The following SRRM4 variants were observed in gnomAD, a reference collection of about 807,000 sequenced individuals.
SRRM4 encodes the protein serine/arginine repetitive matrix protein 4.
A neutral mutation model predicts 68.9 loss-of-function variants in SRRM4; 33 were observed. That is an observed-to-expected ratio of 0.48 (90% confidence interval 0.36 to 0.64). The LOEUF is 0.64. SRRM4 is among the 30% of genes least tolerant of loss of function. The pLI is 0.00. For missense variants in SRRM4, 817 were observed against 827.1 expected (o/e 0.99, Z 0.15); for synonymous variants, 318 against 318.8 (o/e 1.00, Z 0.03).
At chr12:119,067,563 C>G (rs1269769710) in intron 1 of SRRM4, among the ~76,000 whole-genome samples, 1 of 152,074 alleles carries the variant, frequency 6.6e-6, no homozygotes, top group Non-Finnish European at 1.5e-5. Context: ...AAAAAATTAG[C>G]CAGGTACAGT....
chr12:119,095,317 G>A (rs1399727874), intron 1 of SRRM4, among the ~76,000 whole-genome samples: 1 of 152,150 alleles, frequency 6.6e-6, no homozygotes, highest in East Asian at 1.9e-4. Flanking sequence ...GAGAGTCTAG[G>A]CCTACATTCT....
rs1281837523 is a variant in SRRM4, at chr12:119,148,933, A to G, written c.1077-2084A>G. ...CAAAGGAACCATAGACACTGAAGGT[A>G]GGGAGCTGGTGAGGTGGGAGGGGTG... On this transcript the variant is annotated intron_variant, in intron 9 of 12. Transcript: ENST00000267260. Among the ~76,000 whole-genome samples, 7 of 151,932 alleles carry G rather than the reference A, an allele frequency of 4.6e-5. No individual in the cohort carries two copies. The South Asian group carries it at 1.0e-3, about 23-fold the overall frequency.
At chr12:119,084,022 C>T (rs1472880331) in intron 1 of SRRM4, among the ~76,000 whole-genome samples, 2 of 152,174 alleles carry the variant, frequency 1.3e-5, no homozygotes, top group Non-Finnish European at 2.9e-5. Flanking sequence ...AGTGCATCAC[C>T]TCATTGAATC....
chr12:119,141,669 T>C (rs1324184174), intron 8 of SRRM4, among the ~76,000 whole-genome samples: 2 of 152,152 alleles, frequency 1.3e-5, no homozygotes, highest in African/African-American at 4.8e-5. Context: ...ACTTGTTCAT[T>C]AGGCAAAATT....
intron 4 of SRRM4, 103 bp from the exon 5 acceptor site, chr12:119,120,147 C>T: frequency 5.1e-6 from 3 of 586,746 alleles, no homozygotes; most frequent in South Asian, 1.9e-5. Context: ...TTCCTCCTTT[C>T]TCTCCTTCTC....
At position 119,145,620 on chromosome 12, in the gene SRRM4, C is replaced by G; in HGVS notation, c.1011C>G (p.Ser337=). The G allele has an allele frequency of 6.4e-7, 1 of 1,559,554 alleles. No individual in the cohort carries two copies. Among genetic ancestry groups the G allele is most frequent in the Non-Finnish European group, 8.7e-7 (1 of 1,154,516 alleles). ...ATTCAGGGAACTCCTTCACCACCTC[C>G]TCACCCCAGAACAAGGGGGCCATGT... is the stretch of plus-strand genomic sequence containing the variant. ...TSDSGNSFTT[S]SPQNKGAMLE... is the part of the protein sequence containing the mutation. The change falls in exon 9 of 13, where the codon TCC becomes TCG. Residue 337 remains serine (S), a synonymous_variant. Coordinates refer to ENST00000267260, the MANE Select transcript of SRRM4 (RefSeq NM_194286.4).
At chr12:119,058,292 T>G (rs1953789523) in intron 1 of SRRM4, among the ~76,000 whole-genome samples, 1 of 152,182 alleles carries the variant, frequency 6.6e-6, no homozygotes, top group Non-Finnish European at 1.5e-5. Context: ...TAAAAAGGAT[T>G]AACATGTGGT....
chr12:119,030,998 T>A (rs1006351791), intron 1 of SRRM4: 3 of 152,256 alleles, frequency 2.0e-5, no homozygotes, highest in Admixed American at 1.3e-4. Context: ...TAAATCCTTA[T>A]ACACTAGATA....
At chr12:119,092,490 G>A (rs1954019691) in intron 1 of SRRM4, among the ~76,000 whole-genome samples, 1 of 152,046 alleles carries the variant, frequency 6.6e-6, no homozygotes, top group African/African-American at 2.4e-5. Flanking sequence ...GTGATTGGCA[G>A]CAAGAGCCTC....
At position 119,021,908 on chromosome 12, in the gene SRRM4, A is replaced by G. The variant is rs190881378; in HGVS notation, c.131+39895A>G. Among the ~76,000 whole-genome samples, 149 of 152,318 alleles carry G rather than the reference A, an allele frequency of 9.8e-4. 4 individuals are homozygous for G. The highest frequency in any genetic ancestry group is 3.5e-3 in the African/African-American group (145 of 41,548). ...TAAACATACATGTGCATGTAACTTT[A>G]TAATAGAATGATTTATATTCCTTTG... is the stretch of plus-strand genomic sequence containing the variant. On this transcript the variant is annotated intron_variant, in intron 1 of 12. Coordinates refer to ENST00000267260, the MANE Select transcript of SRRM4 (RefSeq NM_194286.4).
intron 2 of SRRM4, among the ~76,000 whole-genome samples, chr12:119,104,108 A>G (rs1043613297): frequency 7.2e-5 from 11 of 152,200 alleles, no homozygotes; most frequent in African/African-American, 2.7e-4. Context: ...CTTTTCCTCC[A>G]TGGGCCTCAG....
chr12:119,149,804 G>A (rs1235325014), intron 9 of SRRM4, among the ~76,000 whole-genome samples: 6 of 152,168 alleles, frequency 3.9e-5, no homozygotes, highest in African/African-American at 1.4e-4. Context: ...TTGGAGGGGT[G>A]AGCAGGTGCC....
At chr12:119,100,904 T>C (rs1204543182) in intron 1 of SRRM4, among the ~76,000 whole-genome samples, 2 of 152,184 alleles carry the variant, frequency 1.3e-5, no homozygotes, top group African/African-American at 4.8e-5. Flanking sequence ...TGAGAAGGGC[T>C]GAGAAGCCCT....
chr12:119,082,837 C>G (rs976305299), intron 1 of SRRM4, among the ~76,000 whole-genome samples: 1 of 152,228 alleles, frequency 6.6e-6, no homozygotes, highest in Non-Finnish European at 1.5e-5. Flanking sequence ...TGACCCAGAG[C>G]AGGTCAGGTC....
At chr12:119,076,904 C>T (rs780898025) in intron 1 of SRRM4, among the ~76,000 whole-genome samples, 2 of 151,602 alleles carry the variant, frequency 1.3e-5, no homozygotes, top group Non-Finnish European at 2.9e-5. Context: ...TTAAAAACTG[C>T]TTTTTGGTAA....
intron 1 of SRRM4, among the ~76,000 whole-genome samples, chr12:119,061,331 G>C (rs1218345073): frequency 6.6e-6 from 1 of 152,188 alleles, no homozygotes; most frequent in African/African-American, 2.4e-5. Context: ...GTGCACTTGG[G>C]TGTGTTGGCA....
intron 1 of SRRM4, among the ~76,000 whole-genome samples, chr12:119,072,630 A>G (rs1445639098): frequency 1.9e-5 from 2 of 102,890 alleles, no homozygotes; most frequent in African/African-American, 6.6e-5. Context: ...CGCAGATTGA[A>G]CAGAGACGTC....
chr12:119,012,049 T>G (rs1953452784), intron 1 of SRRM4, among the ~76,000 whole-genome samples: 1 of 152,242 alleles, frequency 6.6e-6, no homozygotes, highest in Admixed American at 6.5e-5. Flanking sequence ...CATAATGCTC[T>G]TGGTGACAAT....
At position 119,004,939 on chromosome 12, in the gene SRRM4, C is replaced by A. The variant is rs543651494; in HGVS notation, c.131+22926C>A. On this transcript the variant is annotated intron_variant, in intron 1 of 12. Transcript: ENST00000267260. ...GGCTCCCCGCTCCACTATTATTTCA[C>A]TGTATTTCAGGGGCACCCAACTGGT... 1.2e-4 allele frequency among the ~76,000 whole-genome samples: 18 copies of A among 152,288 alleles called. 1 individual carries two copies. In the East Asian group the frequency reaches 3.5e-3, roughly 30 times the overall value.
Sources: gnomAD v4.1 joint callset for allele counts (sites outside exome capture counted in the v4.1 genomes callset) on GRCh38, gnomAD v4.1.1 for gene constraint, MANE v1.5 for transcripts, NCBI Gene and HGNC (gene_info 2026-07-23, HGNC 2026-07-21) for gene names.